Variants in SLC9A6 observed in about 807,000 individuals in gnomAD.
SLC9A6 encodes the protein solute carrier family 9 member A6, also known as sodium/hydrogen exchanger 6.
SLC9A6 carries 6 observed loss-of-function variants against 45.3 expected under a neutral mutation model. The observed-to-expected ratio is 0.13, with a 90% CI of 0.07 to 0.26. The LOEUF is 0.26. Among genes scored for constraint, SLC9A6 ranks in the 10% least tolerant of loss-of-function variants. The probability of loss-of-function intolerance (pLI) is 1.00; values close to 1 mark genes in which losing one functional copy is unlikely to be tolerated. For missense variants in SLC9A6, 278 were observed against 503.7 expected (o/e 0.55, Z 4.29); for synonymous variants, 191 against 187.7 (o/e 1.02, Z -0.14).
At chrX:135,981,454 A>G (rs1414422391), upstream of SLC9A6, among the ~76,000 whole-genome samples, 2 of 111,504 alleles carry the variant, frequency 1.8e-5, no homozygotes, top group Non-Finnish European at 3.8e-5. Context: ...ATGGGGAGAC[A>G]GAGCCAAACC....
At chrX:136,001,336 C>CA (rs569372174) in intron 6 of SLC9A6, among the ~76,000 whole-genome samples, 798 of 22,051 alleles carry the variant, frequency 0.036, 11 homozygotes, top group East Asian at 0.13. Flanking sequence ...GACTCCATCT[C>CA]AAAAAAAAAA....
rs782608371 is a variant in SLC9A6, at chrX:136,024,382, T to C, written c.1359T>C (p.Tyr453=). The change falls in exon 13 of 18, where the codon TAT becomes TAC. Residue 453 remains tyrosine (Y), a synonymous_variant. Coordinates refer to ENST00000630721, the MANE Select transcript of SLC9A6 (RefSeq NM_001379110.1). ...TGGCCATTCGAGATACTGCCACTTATGCACGGCAAATGATGTTCAGCACCA... is the reference window on the plus strand; with the variant it reads ...TGGCCATTCGAGATACTGCCACTTACGCACGGCAAATGATGTTCAGCACCA... ...FALAIRDTAT[Y]ARQMMFSTTL... 1.2e-5 allele frequency: 14 copies of C among 1,209,462 alleles called. No individual in the cohort carries two copies. The highest frequency in any genetic ancestry group is 1.6e-5 in the Non-Finnish European group (14 of 894,869).
At chrX:136,042,300 A>C (rs1268225508) in intron 17 of SLC9A6, among the ~76,000 whole-genome samples, 1 of 109,550 alleles carries the variant, frequency 9.1e-6, no homozygotes, top group Non-Finnish European at 1.9e-5. Context: ...TCAGCCTCCC[A>C]AGTAGCTGGG....
rs2148144184 is a variant in SLC9A6 at position 135,994,877 on chromosome X, A to G, written c.261A>G (p.Pro87=). Residue 87 remains proline, a synonymous_variant, in exon 3 of 18, where the codon CCA becomes CCG. Coordinates refer to ENST00000630721, the MANE Select transcript of SLC9A6 (RefSeq NM_001379110.1). ...TGAGCTGTGAAGTGCAGTCAAGTCC[A>G]ACTACCTTACTGGTAAATGTTAGTG... The part of the protein sequence containing the change: ...VTLSCEVQSS[P]TTLLVNVSGK... 1 of 1,208,858 alleles carries G rather than the reference A, an allele frequency of 8.3e-7. No homozygotes were observed. Among genetic ancestry groups the G allele is most frequent in the Non-Finnish European group, 1.1e-6 (1 of 892,723 alleles).
At chrX:135,990,174 G>A (rs1348069099) in intron 2 of SLC9A6, among the ~76,000 whole-genome samples, 1 of 110,772 alleles carries the variant, frequency 9.0e-6, no homozygotes, top group African/African-American at 3.3e-5. Flanking sequence ...TTTTAGTAGA[G>A]ATGGGGTTTC....
chrX:136,045,285 G>A lies in SLC9A6; in HGVS notation c.*561G>A, dbSNP rs2071579579. The stretch of plus-strand genomic sequence containing the variant: ...TCTTGCCCCATTCAGGTTGGGGAGT[G>A]AAGTGTGAGGACCCTTTTCCCCCGC... On this transcript the variant is annotated 3_prime_UTR_variant, in exon 18 of 18. Coordinates refer to ENST00000630721, the MANE Select transcript of SLC9A6 (RefSeq NM_001379110.1). 1 of 115,799 alleles carries A rather than the reference G, an allele frequency of 8.6e-6. No homozygotes were observed. The highest frequency in any genetic ancestry group is 3.2e-5 in the African/African-American group (1 of 30,771). 9.5% of individuals were successfully genotyped at this position (115,799 alleles called of 1,213,427 possible). A position where few individuals can be genotyped will look rare whatever the true frequency, so the allele number is the denominator to read the frequency against.
intron 1 of SLC9A6, among the ~76,000 whole-genome samples, chrX:135,976,351 A>G (rs1256752411): frequency 8.9e-6 from 1 of 112,147 alleles, no homozygotes; most frequent in Non-Finnish European, 1.9e-5. Flanking sequence ...AATAATGGTC[A>G]GATTGAAATT....
chrX:136,005,956 AG>A (rs782177152), intron 7 of SLC9A6, among the ~76,000 whole-genome samples: 10 of 111,999 alleles, frequency 8.9e-5, no homozygotes, highest in Middle Eastern at 4.6e-3. Flanking sequence ...AGAAATTGTT[AG>A]CTCTGTGTTT....
chrX:136,036,065 T>C (rs2071408647), intron 16 of SLC9A6, among the ~76,000 whole-genome samples: 1 of 111,089 alleles, frequency 9.0e-6, no homozygotes, highest in African/African-American at 3.3e-5. Context: ...CCAGCCTGTT[T>C]AGCTTTAAAA....
rs928330457 is a variant in SLC9A6, at chrX:136,024,387, G to A, written c.1364G>A (p.Arg455Gln). 1 of 1,210,648 alleles carries A rather than the reference G, an allele frequency of 8.3e-7. No individual in the cohort carries two copies. Among genetic ancestry groups the A allele is most frequent in the Non-Finnish European group, 1.1e-6 (1 of 894,808 alleles). Residue 455 changes from arginine (R) to glutamine (Q), a missense_variant, in exon 13 of 18, where the codon CGG becomes CAG. Physicochemically the swap from Arg to Gln is conservative, Grantham distance 43. Coordinates refer to ENST00000630721, the MANE Select transcript of SLC9A6 (RefSeq NM_001379110.1). ...LAIRDTATYA[R>Q]QMMFSTTLLI... is the part of the protein sequence containing the mutation. ...ATTCGAGATACTGCCACTTATGCAC[G>A]GCAAATGATGTTCAGCACCACGCTT...
chrX:135,988,365 A>G (rs2089370462), intron 2 of SLC9A6, among the ~76,000 whole-genome samples: 1 of 109,863 alleles, frequency 9.1e-6, no homozygotes, highest in African/African-American at 3.3e-5. Flanking sequence ...TCCTAACTTA[A>G]CTCGCAAGTC....
At chrX:136,007,966 C>T (rs1296990295) in intron 7 of SLC9A6, among the ~76,000 whole-genome samples, 1 of 110,976 alleles carries the variant, frequency 9.0e-6, no homozygotes, top group Admixed American at 9.6e-5. Context: ...TCATATTTCC[C>T]TCCAAAAGTG....
At chrX:136,019,445 T>C (rs1465782415) in intron 11 of SLC9A6, among the ~76,000 whole-genome samples, 1 of 111,889 alleles carries the variant, frequency 8.9e-6, no homozygotes, top group Non-Finnish European at 1.9e-5. Flanking sequence ...GGCTAGGAGT[T>C]ATATACTTTA....
upstream of SLC9A6, among the ~76,000 whole-genome samples, chrX:135,981,590 A>G (rs1387063240): frequency 8.9e-6 from 1 of 112,231 alleles, no homozygotes; most frequent in Non-Finnish European, 1.9e-5. Context: ...AGTAGAAGGA[A>G]CACATGGAAA....
chrX:136,038,234 A>T (rs2071444463), intron 16 of SLC9A6, among the ~76,000 whole-genome samples: 1 of 111,894 alleles, frequency 8.9e-6, no homozygotes, highest in African/African-American at 3.2e-5. Context: ...GAGAGTTTTT[A>T]TCATGAGTTT....
At chrX:136,007,593 T>G (rs1439528093) in intron 7 of SLC9A6, among the ~76,000 whole-genome samples, 2 of 112,002 alleles carry the variant, frequency 1.8e-5, no homozygotes, top group Non-Finnish European at 3.8e-5. Flanking sequence ...TAACCACTAT[T>G]AGGATTTTAA....
intron 2 of SLC9A6, among the ~76,000 whole-genome samples, chrX:135,990,304 G>A (rs782339950): frequency 9.8e-5 from 11 of 111,773 alleles, no homozygotes; most frequent in African/African-American, 2.6e-4. Flanking sequence ...GTTCTTTGTT[G>A]CCTGTTAGTG....
chrX:136,023,163 G>GTA (rs35106450), intron 12 of SLC9A6, among the ~76,000 whole-genome samples: 17 of 24,994 alleles, frequency 6.8e-4, no homozygotes, highest in African/African-American at 1.2e-3. Flanking sequence ...AAAAGAAAAT[G>GTA]TATATATATA....
intron 12 of SLC9A6, 89 bp from the exon 13 acceptor site, chrX:136,024,241 G>GT: frequency 5.0e-6 from 5 of 991,640 alleles, no homozygotes; most frequent in Non-Finnish European, 5.7e-6. Flanking sequence ...ATGCTTCTAA[G>GT]TTTTTAGAAC....
Sources: gnomAD v4.1 joint callset for allele counts (sites outside exome capture counted in the v4.1 genomes callset) on GRCh38, gnomAD v4.1.1 for gene constraint, MANE v1.5 for transcripts, NCBI Gene and HGNC (gene_info 2026-07-23, HGNC 2026-07-21) for gene names.